ST7: variants seen among roughly 807,000 people sequenced by gnomAD.
ST7 encodes the protein suppression of tumorigenicity 7.
Under a neutral mutation model 78.7 loss-of-function variants are expected in ST7, and 28 were observed. That is an observed-to-expected ratio of 0.36 (90% confidence interval 0.26 to 0.49). The LOEUF (loss-of-function observed/expected upper bound fraction) is 0.49. ST7 is among the 20% of genes least tolerant of loss of function. The pLI is 0.99. For synonymous variants in ST7, 247 were observed against 249.6 expected (o/e 0.99, Z 0.10); for missense variants, 418 against 696.0 (o/e 0.60, Z 4.49).
chr7:117,172,657 T>C (rs928482867), intron 10 of ST7, among the ~76,000 whole-genome samples: 1 of 152,342 alleles, frequency 6.6e-6, no homozygotes, highest in Middle Eastern at 3.4e-3. Context: ...GGCTGCCTTG[T>C]AGGCAAAAAT....
rs565363997 is a variant in ST7 at position 116,998,076 on chromosome 7, A to G, written c.151+44385A>G. On this transcript the variant is annotated intron_variant, in intron 1 of 15. Coordinates refer to ENST00000323984, the MANE Select transcript of ST7 (RefSeq NM_001369598.1). ...TGCTTGTCGGGGATGCTCGGGCTGC[A>G]CAGGAGCCCATGGAGGCAGGGGGGA... Among the ~76,000 whole-genome samples, 50 of 152,324 alleles carry G rather than the reference A, an allele frequency of 3.3e-4. No homozygotes were observed. In the South Asian group the frequency reaches 0.01, roughly 31 times the overall value.
Position 117,160,661 on chromosome 7 carries a change from A to G in ST7, c.964-10201A>G, listed in dbSNP as rs113269507. 6.7e-3 allele frequency among the ~76,000 whole-genome samples: 1,011 copies of G among 151,828 alleles called. 15 individuals are homozygous for G. Among genetic ancestry groups the G allele is most frequent in the African/African-American group, 0.021 (883 of 41,304 alleles). On this transcript the variant is annotated intron_variant, in intron 9 of 15. Transcript: ENST00000323984. Reference sequence around the variant, plus strand: ...TATACTTGTGTGTGTGTGTATATATATATATATACATATATGTATTTATTC... The same window carrying G: ...TATACTTGTGTGTGTGTGTATATATGTATATATACATATATGTATTTATTC...
chr7:117,119,784 C>T, intron 3 of ST7, 64 bp downstream of exon 3: 1 of 1,535,320 alleles, frequency 6.5e-7, no homozygotes. Context: ...TATTGTTACT[C>T]ATACTAAGAG....
intron 12 of ST7, among the ~76,000 whole-genome samples, chr7:117,205,802 A>C (rs1255805199): frequency 6.6e-6 from 1 of 152,216 alleles, no homozygotes; most frequent in Non-Finnish European, 1.5e-5. Context: ...GAAGCACTGC[A>C]TTTCAAGATC....
intron 1 of ST7, among the ~76,000 whole-genome samples, chr7:117,017,893 A>G (rs1795693544): frequency 6.6e-6 from 1 of 152,082 alleles, no homozygotes; most frequent in Non-Finnish European, 1.5e-5. Flanking sequence ...AGAGGGTGTG[A>G]TTTGTGTCCG....
At chr7:116,966,247 C>CTTTTTTTTTTTTTTTTTTT (rs374887005) in intron 1 of ST7, 7 of 178,546 alleles carry the variant, frequency 3.9e-5, no homozygotes, top group South Asian at 7.2e-5. Context: ...TTTTTTCTTT[C>CTTTTTTTTTTTTTTTTTTT]TTTTTTTTTT....
chr7:117,035,145 G>A (rs1282141766), intron 1 of ST7, among the ~76,000 whole-genome samples: 83 of 133,770 alleles, frequency 6.2e-4, no homozygotes, highest in African/African-American at 1.8e-3. Context: ...TTTTTTTAAA[G>A]ATATAAAATA....
intron 3 of ST7, among the ~76,000 whole-genome samples, chr7:117,124,302 T>A (rs774077661): frequency 5.3e-5 from 8 of 152,118 alleles, no homozygotes; most frequent in Non-Finnish European, 7.4e-5. Context: ...TCTCTTGTAA[T>A]CCTCACAATA....
At chr7:117,093,817 G>A (rs572030878) in intron 1 of ST7, among the ~76,000 whole-genome samples, 65 of 152,318 alleles carry the variant, frequency 4.3e-4, no homozygotes, top group Non-Finnish European at 2.9e-4. Flanking sequence ...TTTAGCTCTT[G>A]TGACAACTAT....
At chr7:117,227,847 T>C (rs1216842364) in intron 15 of ST7, among the ~76,000 whole-genome samples, 2 of 152,132 alleles carry the variant, frequency 1.3e-5, no homozygotes, top group African/African-American at 2.4e-5. Context: ...TTCAGAAGAT[T>C]ATCAGAAACT....
chr7:117,143,865 A>G (rs550730462), intron 9 of ST7, among the ~76,000 whole-genome samples: 2 of 152,320 alleles, frequency 1.3e-5, no homozygotes, highest in Admixed American at 1.3e-4. Flanking sequence ...AAAAGTATAA[A>G]CATAGGTATA....
chr7:117,039,956 C>T (rs187570780), intron 1 of ST7, among the ~76,000 whole-genome samples: 7 of 152,224 alleles, frequency 4.6e-5, no homozygotes, highest in African/African-American at 1.7e-4. Flanking sequence ...TAGAAGAGCC[C>T]AAGAAGAGCC....
At chr7:117,165,774 T>G (rs1214257504) in intron 9 of ST7, among the ~76,000 whole-genome samples, 1 of 152,040 alleles carries the variant, frequency 6.6e-6, no homozygotes, top group African/African-American at 2.4e-5. Flanking sequence ...AGGGGCCAGG[T>G]AAAGATTTCC....
chr7:117,040,140 G>T (rs1415191929), intron 1 of ST7, among the ~76,000 whole-genome samples: 3 of 152,164 alleles, frequency 2.0e-5, no homozygotes, highest in African/African-American at 7.2e-5. Flanking sequence ...TTGGGAGGCA[G>T]AGGTGGGTGG....
intron 9 of ST7, 97 bp from the exon 10 acceptor site, chr7:117,170,765 C>T (rs1029448976): frequency 5.4e-5 from 22 of 406,520 alleles, no homozygotes; most frequent in Admixed American, 4.6e-4. Context: ...ATATCCAAAC[C>T]GTGATATATA....
chr7:117,124,847 G>T (rs1327899832), intron 3 of ST7, among the ~76,000 whole-genome samples: 5 of 152,184 alleles, frequency 3.3e-5, no homozygotes, highest in Admixed American at 3.3e-4. Flanking sequence ...GTGCCCAGAT[G>T]AGCTGATTTC....
At chr7:117,181,364 T>A (rs1162082222) in intron 10 of ST7, among the ~76,000 whole-genome samples, 1 of 152,202 alleles carries the variant, frequency 6.6e-6, no homozygotes, top group Non-Finnish European at 1.5e-5. Flanking sequence ...GGTATCACAC[T>A]AACATTATGG....
At chr7:117,124,337 T>TATC (rs1803651029) in intron 3 of ST7, among the ~76,000 whole-genome samples, 2 of 152,194 alleles carry the variant, frequency 1.3e-5, no homozygotes, top group African/African-American at 4.8e-5. Flanking sequence ...ATATTATTAT[T>TATC]ATCTCTCTTT....
intron 1 of ST7, among the ~76,000 whole-genome samples, chr7:117,051,009 T>G (rs986047656): frequency 1.3e-5 from 2 of 152,208 alleles, no homozygotes; most frequent in Admixed American, 1.3e-4. Flanking sequence ...TCTCCAAATT[T>G]TTTTTCCAAT....
Sources: allele counts gnomAD v4.1 joint callset (sites outside exome capture counted in the v4.1 genomes callset), GRCh38; gene constraint gnomAD v4.1.1; transcripts MANE v1.5; gene names NCBI Gene and HGNC (gene_info 2026-07-23, HGNC 2026-07-21).